The following SPOCK3 variants were observed in gnomAD, a reference collection of about 807,000 sequenced individuals.
SPOCK3 encodes testican-3.
A neutral mutation model predicts 56.6 loss-of-function variants in SPOCK3; 30 were observed. The observed-to-expected ratio is 0.53, with a 90% CI of 0.40 to 0.72. The LOEUF (loss-of-function observed/expected upper bound fraction) is 0.72. SPOCK3 is among the 30% of genes least tolerant of loss of function. The pLI is 0.00. For missense variants in SPOCK3, 527 were observed against 530.0 expected (o/e 0.99, Z 0.06); for synonymous variants, 196 against 183.3 (o/e 1.07, Z -0.56).
chr4:167,159,041 A>T (rs2150434436), intron 2 of SPOCK3, among the ~76,000 whole-genome samples: 1 of 152,106 alleles, frequency 6.6e-6, no homozygotes, highest in South Asian at 2.1e-4. Flanking sequence ...ATACAATGAT[A>T]TATGTTAGCA....
At chr4:166,821,672 TCCAGACA>T (rs1292911510) in intron 6 of SPOCK3, among the ~76,000 whole-genome samples, 1 of 151,884 alleles carries the variant, frequency 6.6e-6, no homozygotes. Context: ...CTAAGAAGAA[TCCAGACA>T]CCAGAGATCA....
At chr4:166,824,644 T>C (rs1409663079) in intron 6 of SPOCK3, among the ~76,000 whole-genome samples, 1 of 152,096 alleles carries the variant, frequency 6.6e-6, no homozygotes, top group African/African-American at 2.4e-5. Flanking sequence ...TTTCTTCCCA[T>C]GATTCCTGAA....
At chr4:166,754,301 C>G in intron 8 of SPOCK3, 2 of 1,285,112 alleles carry the variant, frequency 1.6e-6, no homozygotes, top group South Asian at 5.1e-5. Context: ...ATATTAATTA[C>G]TATTTTTCAT....
At chr4:167,229,762 T>G (rs1026293911) in intron 2 of SPOCK3, among the ~76,000 whole-genome samples, 1 of 152,158 alleles carries the variant, frequency 6.6e-6, no homozygotes, top group Non-Finnish European at 1.5e-5. Context: ...CTACATGTTC[T>G]TTAGCTTACA....
chr4:167,207,000 T>C (rs1326099241), intron 2 of SPOCK3, among the ~76,000 whole-genome samples: 2 of 152,090 alleles, frequency 1.3e-5, no homozygotes, highest in African/African-American at 2.4e-5. Context: ...ATGATGGATA[T>C]GCTAATTACC....
intron 4 of SPOCK3, among the ~76,000 whole-genome samples, chr4:166,995,831 T>C (rs1748309473): frequency 6.6e-6 from 1 of 152,132 alleles, no homozygotes; most frequent in Non-Finnish European, 1.5e-5. Flanking sequence ...AGAAGTTAAA[T>C]GTCTCTCAAG....
chr4:166,794,643 C>CTTTTTTTTT (rs1170214198), intron 6 of SPOCK3, among the ~76,000 whole-genome samples: 9 of 127,352 alleles, frequency 7.1e-5, no homozygotes, highest in South Asian at 2.6e-4. Context: ...TTCTTTCTTT[C>CTTTTTTTTT]TTTTTTTTTT....
chr4:167,157,364 A>AT (rs529925610), intron 2 of SPOCK3, among the ~76,000 whole-genome samples: 26 of 152,054 alleles, frequency 1.7e-4, no homozygotes, highest in Non-Finnish European at 2.5e-4. Flanking sequence ...GCAATTTACA[A>AT]TTTTTTTGGT....
At chr4:166,987,566 A>T (rs1747308047) in intron 4 of SPOCK3, among the ~76,000 whole-genome samples, 1 of 152,214 alleles carries the variant, frequency 6.6e-6, no homozygotes, top group African/African-American at 2.4e-5. Flanking sequence ...GGCTCACAAT[A>T]GATGATCAAT....
At chr4:167,024,463 C>T (rs1157642068) in intron 3 of SPOCK3, among the ~76,000 whole-genome samples, 1 of 151,914 alleles carries the variant, frequency 6.6e-6, no homozygotes, top group Non-Finnish European at 1.5e-5. Flanking sequence ...CTAATAAATT[C>T]TATTAGATTA....
intron 2 of SPOCK3, among the ~76,000 whole-genome samples, chr4:167,122,321 T>G (rs895470595): frequency 2.0e-5 from 3 of 152,134 alleles, no homozygotes; most frequent in African/African-American, 7.2e-5. Context: ...GCCTGGCTAA[T>G]TTTTGATCTG....
chr4:166,851,137 C>T (rs1730008262), intron 6 of SPOCK3, among the ~76,000 whole-genome samples: 1 of 151,644 alleles, frequency 6.6e-6, no homozygotes, highest in Admixed American at 6.5e-5. Flanking sequence ...TGGCAGACTG[C>T]CTCCTCAAGT....
chr4:166,841,312 C>T (rs1207572899), intron 6 of SPOCK3, among the ~76,000 whole-genome samples: 4 of 152,062 alleles, frequency 2.6e-5, no homozygotes, highest in African/African-American at 9.7e-5. Flanking sequence ...AGATGTTAGC[C>T]ATACCAGTAG....
chr4:167,020,130 T>G (rs1160276626), intron 3 of SPOCK3, among the ~76,000 whole-genome samples: 1 of 152,104 alleles, frequency 6.6e-6, no homozygotes, highest in African/African-American at 2.4e-5. Context: ...TATCTTGCAG[T>G]GGAGTGCCTA....
intron 2 of SPOCK3, among the ~76,000 whole-genome samples, chr4:167,070,505 G>C (rs986255036): frequency 6.6e-6 from 1 of 151,746 alleles, no homozygotes; most frequent in African/African-American, 2.4e-5. Context: ...TCTGTATTAC[G>C]TGATTATAAT....
chr4:166,968,568 G>T (rs1579839459), intron 4 of SPOCK3, among the ~76,000 whole-genome samples: 1 of 152,318 alleles, frequency 6.6e-6, no homozygotes, highest in Admixed American at 6.5e-5. Flanking sequence ...AGCCTTGGTG[G>T]CTTCCATGTG....
intron 2 of SPOCK3, among the ~76,000 whole-genome samples, chr4:167,201,970 T>A (rs1733560160): frequency 6.6e-6 from 1 of 151,988 alleles, no homozygotes; most frequent in South Asian, 2.1e-4. Context: ...GTTCTTCACC[T>A]TTGTTCACCT....
At chr4:166,933,649 A>T (rs1291159088) in intron 4 of SPOCK3, among the ~76,000 whole-genome samples, 1 of 152,218 alleles carries the variant, frequency 6.6e-6, no homozygotes. Flanking sequence ...TCTGCTAGAA[A>T]ATCTTTTCGA....
intron 6 of SPOCK3, among the ~76,000 whole-genome samples, chr4:166,794,019 A>G (rs998924708): frequency 8.6e-5 from 13 of 152,000 alleles, no homozygotes; most frequent in African/African-American, 3.1e-4. Flanking sequence ...GGATAATTAC[A>G]GAGTGTGTGC....
Sources: gnomAD v4.1 joint callset for allele counts (sites outside exome capture counted in the v4.1 genomes callset) on GRCh38, gnomAD v4.1.1 for gene constraint, MANE v1.5 for transcripts, NCBI Gene and HGNC (gene_info 2026-07-23, HGNC 2026-07-21) for gene names.